ASAP1: variants seen among roughly 807,000 people sequenced by gnomAD.
ASAP1 encodes the protein arf-GAP with SH3 domain, ANK repeat and PH domain-containing protein 1.
In ASAP1, 43 loss-of-function variants were observed where a neutral mutation model predicts 145.2. The observed-to-expected ratio is 0.30, with a 90% confidence interval of 0.23 to 0.38. The LOEUF is 0.38. Ranked by LOEUF, ASAP1 falls within the 10% of genes least tolerant of loss-of-function variation. ASAP1 has a pLI of 1.00. For synonymous variants in ASAP1, 546 were observed against 515.5 expected, an observed-to-expected ratio of 1.06 and a Z score of -0.80; for missense variants, 1,018 against 1,355.3, an observed-to-expected ratio of 0.75 and a Z score of 3.91.
At chr8:130,055,141 C>T (rs1479352279) in intron 29 of ASAP1, among the ~76,000 whole-genome samples, 1 of 152,176 alleles carries the variant, frequency 6.6e-6, no homozygotes, top group East Asian at 1.9e-4. Context: ...CATGCTCTCC[C>T]ACAGGCGTGG....
chr8:130,143,188 C>T (rs1302653829), intron 13 of ASAP1, among the ~76,000 whole-genome samples: 3 of 152,206 alleles, frequency 2.0e-5, no homozygotes, highest in Non-Finnish European at 4.4e-5. Context: ...AGTTATGACA[C>T]TTTTCAAAGC....
At chr8:130,149,229 T>C (rs1449802750) in intron 13 of ASAP1, among the ~76,000 whole-genome samples, 2 of 148,098 alleles carry the variant, frequency 1.4e-5, no homozygotes, top group Admixed American at 6.9e-5. Flanking sequence ...ATACTGTGTT[T>C]AGAACATACT....
rs372851250 is a variant in ASAP1, at chr8:130,059,016, GC to G, written c.3193-941del. ...GTGTGTAGCATGAAATGAAAATTTT[GC>G]ATCAGTGGTGCTTGGGAGTCATGGG... On this transcript the variant is annotated intron_variant, in intron 28 of 29. Transcript: ENST00000518721. Among the ~76,000 whole-genome samples, 13 of 152,288 alleles carry G rather than the reference GC, an allele frequency of 8.5e-5. No homozygotes were observed. In the East Asian group the frequency reaches 2.5e-3, roughly 29 times the overall value.
chr8:130,218,777 A>G lies in ASAP1; in HGVS notation c.260-4076T>C, dbSNP rs1359166462. On this transcript the variant is annotated intron_variant, in intron 4 of 29. Transcript: ENST00000518721. Reference sequence around the variant, plus strand: ...ACGTGAGTGAGGCAGAAGACTAGATAAGTATAGGCTAGGTCATGGGTCCTG... The same window carrying G: ...ACGTGAGTGAGGCAGAAGACTAGATGAGTATAGGCTAGGTCATGGGTCCTG... Among the ~76,000 whole-genome samples the G allele has an allele frequency of 2.0e-5, 3 of 152,268 alleles. No individual in the cohort carries two copies. In the East Asian group the frequency reaches 5.8e-4, roughly 29 times the overall value.
chr8:130,131,592 T>C (rs1586394080), intron 15 of ASAP1, among the ~76,000 whole-genome samples: 1 of 99,220 alleles, frequency 1.0e-5, no homozygotes, highest in Non-Finnish European at 1.8e-5. Context: ...CAGCAAGACC[T>C]CATGGCTACT....
chr8:130,358,248 G>GTCC lies in ASAP1; in HGVS notation c.60-106_60-105insGGA. On this transcript the variant is annotated intron_variant, in intron 2 of 29. Coordinates refer to ENST00000518721, the MANE Select transcript of ASAP1 (RefSeq NM_018482.4). This position sits in a 1 kb window ranked among gnomAD's most constrained non-coding sequence, Gnocchi z 4.1. ...GCTCATGAACCCCGGCGCGCAGCCC[G>GTCC]CCACCCGCCGCCCGGCCTGGCGCGC... 1.2e-6 allele frequency: 1 copy of GTCC among 853,424 alleles called. No individual in the cohort carries two copies. The highest frequency in any genetic ancestry group is 1.5e-6 in the Non-Finnish European group (1 of 679,078). 52.9% of individuals were successfully genotyped at this position (853,424 alleles called of 1,614,324 possible). A position where few individuals can be genotyped will look rare whatever the true frequency, so the allele number is the denominator to read the frequency against.
rs147722149 is a variant in ASAP1, at chr8:130,123,247, G to A, written c.1607+766C>T. 9.3e-4 allele frequency among the ~76,000 whole-genome samples: 142 copies of A among 152,234 alleles called. 2 individuals carry two copies. The highest frequency in any genetic ancestry group is 3.2e-3 in the African/African-American group (133 of 41,550). ...TACATTTATAATTTTGGTAAATATG[G>A]TTAATTTGTTTTTCATAGTGTACCA... On this transcript the variant is annotated intron_variant, in intron 18 of 29. Transcript: ENST00000518721.
At chr8:130,209,442 C>G (rs76398111) in intron 5 of ASAP1, among the ~76,000 whole-genome samples, 1 of 151,906 alleles carries the variant, frequency 6.6e-6, no homozygotes, top group African/African-American at 2.4e-5. Context: ...GACATTTGCA[C>G]TGACAGTGTA....
intron 24 of ASAP1, among the ~76,000 whole-genome samples, chr8:130,111,315 G>A (rs898778551): frequency 6.7e-6 from 1 of 149,992 alleles, no homozygotes; most frequent in Non-Finnish European, 1.5e-5. Flanking sequence ...CTTGAGCCCC[G>A]GAGATGGAGG....
At chr8:130,423,254 T>G (rs548997952) in intron 1 of ASAP1, among the ~76,000 whole-genome samples, 1 of 152,332 alleles carries the variant, frequency 6.6e-6, no homozygotes, top group Admixed American at 6.5e-5. Context: ...ATGTTCAACT[T>G]TAGCATTAAA....
At chr8:130,239,389 T>C (rs1271297767) in intron 3 of ASAP1, among the ~76,000 whole-genome samples, 3 of 152,088 alleles carry the variant, frequency 2.0e-5, no homozygotes, top group African/African-American at 7.2e-5. Flanking sequence ...ATTATATCCA[T>C]TTTATGGATG....
intron 27 of ASAP1, among the ~76,000 whole-genome samples, chr8:130,065,870 C>T (rs1379711191): frequency 2.0e-5 from 3 of 152,180 alleles, no homozygotes; most frequent in Middle Eastern, 3.2e-3. Flanking sequence ...TGGTCTACCG[C>T]TATTGGACCT....
intron 2 of ASAP1, among the ~76,000 whole-genome samples, chr8:130,366,948 G>T (rs1175595987): frequency 1.5e-5 from 2 of 135,512 alleles, no homozygotes; most frequent in Middle Eastern, 4.6e-3. Context: ...CTGGAGTGCA[G>T]TGGCACAATC....
chr8:130,321,681 G>T (rs1824014581), intron 3 of ASAP1, among the ~76,000 whole-genome samples: 1 of 152,106 alleles, frequency 6.6e-6, no homozygotes, highest in African/African-American at 2.4e-5. Context: ...AATATAAAAT[G>T]ATTACTAGTC....
intron 3 of ASAP1, among the ~76,000 whole-genome samples, chr8:130,330,890 C>T (rs993033743): frequency 2.0e-5 from 3 of 152,210 alleles, no homozygotes; most frequent in African/African-American, 7.2e-5. Context: ...CTACGATTCT[C>T]TGGGATGCTC....
At chr8:130,394,350 T>C (rs1031680657) in intron 2 of ASAP1, among the ~76,000 whole-genome samples, 3 of 152,136 alleles carry the variant, frequency 2.0e-5, no homozygotes, top group African/African-American at 7.2e-5. Context: ...GTCGAGACTG[T>C]AGGGATGAAA....
chr8:130,346,308 A>G (rs2137987244), intron 3 of ASAP1, among the ~76,000 whole-genome samples: 1 of 152,354 alleles, frequency 6.6e-6, no homozygotes, highest in Admixed American at 6.5e-5. Context: ...TCAGGAAGAA[A>G]AAAATCCTAC....
intron 3 of ASAP1, among the ~76,000 whole-genome samples, chr8:130,263,080 C>G (rs1820036424): frequency 6.6e-6 from 1 of 152,216 alleles, no homozygotes; most frequent in Admixed American, 6.5e-5. Flanking sequence ...TATGAATTTA[C>G]TAATATGAAT....
chr8:130,099,227 G>A (rs2097524414), intron 24 of ASAP1, among the ~76,000 whole-genome samples: 1 of 151,294 alleles, frequency 6.6e-6, no homozygotes, highest in Non-Finnish European at 1.5e-5. Context: ...TGCCCAGGCT[G>A]GAGTGCAGTG....
Sources: allele counts gnomAD v4.1 joint callset (sites outside exome capture counted in the v4.1 genomes callset), GRCh38; gene constraint gnomAD v4.1.1; non-coding constraint Gnocchi (gnomAD v3.1); transcripts MANE v1.5; gene names NCBI Gene and HGNC (gene_info 2026-07-23, HGNC 2026-07-21).